CADM2: variants seen among roughly 807,000 people sequenced by gnomAD.
CADM2 encodes cell adhesion molecule 2.
In CADM2, 12 loss-of-function variants were observed where a neutral mutation model predicts 49.8. The observed-to-expected ratio is 0.24, with a 90% CI of 0.15 to 0.39. The LOEUF (loss-of-function observed/expected upper bound fraction) is 0.39. CADM2 is among the 10% of genes least tolerant of loss of function. CADM2 has a pLI of 1.00. For missense variants in CADM2, 378 were observed against 492.3 expected, an observed-to-expected ratio of 0.77 and a Z score of 2.20; for synonymous variants, 214 against 175.4, an observed-to-expected ratio of 1.22 and a Z score of -1.74.
At chr3:85,613,880 C>G (rs1216557036) in intron 1 of CADM2, among the ~76,000 whole-genome samples, 1 of 151,732 alleles carries the variant, frequency 6.6e-6, no homozygotes, top group South Asian at 2.1e-4. Flanking sequence ...AGCCCTTAGA[C>G]AAGTTTTATA....
At chr3:84,988,772 C>A (rs1031820101) in intron 1 of CADM2, among the ~76,000 whole-genome samples, 2 of 152,116 alleles carry the variant, frequency 1.3e-5, no homozygotes, top group African/African-American at 4.8e-5. Context: ...TTCAACTTAG[C>A]AGCCTTTTCC....
At chr3:85,295,973 T>C (rs1287860841) in intron 1 of CADM2, among the ~76,000 whole-genome samples, 5 of 151,806 alleles carry the variant, frequency 3.3e-5, no homozygotes, top group African/African-American at 1.2e-4. Flanking sequence ...GTAAACCTAG[T>C]ATATAAAAAT....
At position 85,082,780 on chromosome 3, in the gene CADM2, A is replaced by C. The variant is rs555036304; in HGVS notation, c.61+123112A>C. On this transcript the variant is annotated intron_variant, in intron 1 of 9. Transcript: ENST00000383699. ...CATCATATTACAAGTAGTCTGAAAA[A>C]CATAATCTGAAAGAACAAAGGCATA... is the stretch of plus-strand genomic sequence containing the variant. 7.9e-5 allele frequency among the ~76,000 whole-genome samples: 12 copies of C among 152,226 alleles called. No homozygotes were observed. In the South Asian group the frequency reaches 2.5e-3, roughly 32 times the overall value.
At chr3:85,944,924 G>A (rs1168785949) in intron 7 of CADM2, among the ~76,000 whole-genome samples, 2 of 151,832 alleles carry the variant, frequency 1.3e-5, no homozygotes, top group Non-Finnish European at 2.9e-5. Context: ...AAATAACTAA[G>A]ATCAGAGCAG....
At chr3:85,122,175 C>A (rs780833638) in intron 1 of CADM2, among the ~76,000 whole-genome samples, 4 of 152,118 alleles carry the variant, frequency 2.6e-5, no homozygotes, top group Admixed American at 2.6e-4. Flanking sequence ...AAATAAAAAG[C>A]CTTTTATTAA....
intron 1 of CADM2, among the ~76,000 whole-genome samples, chr3:85,403,564 T>G (rs1051153161): frequency 2.6e-5 from 4 of 152,144 alleles, no homozygotes; most frequent in Non-Finnish European, 5.9e-5. Flanking sequence ...ACATGCATGG[T>G]GAGATCTTGC....
chr3:85,084,423 C>G (rs980562177), intron 1 of CADM2, among the ~76,000 whole-genome samples: 2 of 152,198 alleles, frequency 1.3e-5, no homozygotes, highest in African/African-American at 4.8e-5. Context: ...TCACCTTGAA[C>G]AGTTGGTTGA....
intron 2 of CADM2, among the ~76,000 whole-genome samples, chr3:85,769,978 A>G (rs187648411): frequency 1.8e-4 from 27 of 150,676 alleles, no homozygotes; most frequent in African/African-American, 5.4e-4. Context: ...TTGCAAATTT[A>G]TATATGATTC....
At chr3:85,981,290 A>C (rs1365806314) in intron 8 of CADM2, among the ~76,000 whole-genome samples, 1 of 151,560 alleles carries the variant, frequency 6.6e-6, no homozygotes, top group Non-Finnish European at 1.5e-5. Flanking sequence ...AAGTGAAACT[A>C]ACAACATTCT....
At chr3:84,964,087 A>G (rs189414154) in intron 1 of CADM2, among the ~76,000 whole-genome samples, 11 of 152,322 alleles carry the variant, frequency 7.2e-5, no homozygotes, top group Non-Finnish European at 1.5e-4. Context: ...TTCTATAACT[A>G]TTAGAACTCT....
intron 1 of CADM2, among the ~76,000 whole-genome samples, chr3:85,073,414 C>A (rs1423664607): frequency 6.6e-6 from 1 of 152,102 alleles, no homozygotes; most frequent in East Asian, 1.9e-4. Flanking sequence ...ATACAGTATA[C>A]ATCTATGTAA....
chr3:85,153,683 G>A (rs1368531913), intron 1 of CADM2, among the ~76,000 whole-genome samples: 1 of 152,128 alleles, frequency 6.6e-6, no homozygotes, highest in African/African-American at 2.4e-5. Flanking sequence ...AGACTTAAAT[G>A]TCCCTGTCTG....
intron 1 of CADM2, among the ~76,000 whole-genome samples, chr3:85,160,212 T>C (rs1256257404): frequency 6.6e-6 from 1 of 152,172 alleles, no homozygotes; most frequent in East Asian, 1.9e-4. Flanking sequence ...ATTATATCTG[T>C]TGTCAAATAC....
At chr3:85,223,837 G>A (rs1310062898) in intron 1 of CADM2, among the ~76,000 whole-genome samples, 1 of 152,100 alleles carries the variant, frequency 6.6e-6, no homozygotes, top group African/African-American at 2.4e-5. Flanking sequence ...CCAATTATGA[G>A]TGAGAACATG....
chr3:85,260,252 G>A (rs2042986201), intron 1 of CADM2, among the ~76,000 whole-genome samples: 1 of 151,452 alleles, frequency 6.6e-6, no homozygotes, highest in Admixed American at 6.6e-5. Flanking sequence ...TAAAGCAAAA[G>A]CCTAAGTATT....
chr3:85,565,215 G>A (rs1190424446), intron 1 of CADM2, among the ~76,000 whole-genome samples: 4 of 123,530 alleles, frequency 3.2e-5, no homozygotes, highest in Non-Finnish European at 7.5e-5. Flanking sequence ...CTGTCAATCT[G>A]TTAGTCGAGA....
chr3:85,374,329 T>C (rs1048077713), intron 1 of CADM2, among the ~76,000 whole-genome samples: 2 of 152,154 alleles, frequency 1.3e-5, no homozygotes, highest in African/African-American at 4.8e-5. Context: ...TCCAATCTCT[T>C]TGCCAAAGCA....
intron 1 of CADM2, among the ~76,000 whole-genome samples, chr3:85,398,600 G>T (rs2034918918): frequency 1.3e-5 from 2 of 152,168 alleles, no homozygotes. Context: ...CCCAATGGTT[G>T]AACTAGTGTA....
intron 1 of CADM2, among the ~76,000 whole-genome samples, chr3:85,614,235 G>T (rs1182120939): frequency 7.0e-6 from 1 of 142,066 alleles, no homozygotes; most frequent in African/African-American, 3.1e-5. Flanking sequence ...AAGTATAATT[G>T]TGCATTAAAA....
Sources: allele counts gnomAD v4.1 joint callset (sites outside exome capture counted in the v4.1 genomes callset), GRCh38; gene constraint gnomAD v4.1.1; transcripts MANE v1.5; gene names NCBI Gene and HGNC (gene_info 2026-07-23, HGNC 2026-07-21).